Variants in DPYD observed in about 807,000 individuals in gnomAD.
The protein encoded by DPYD is dihydropyrimidine dehydrogenase.
Under a neutral mutation model 116.2 loss-of-function variants are expected in DPYD, and 109 were observed. The observed-to-expected ratio is 0.94, with a 90% confidence interval of 0.80 to 1.10. The LOEUF (loss-of-function observed/expected upper bound fraction) is 1.10. DPYD is among the 50% of genes least tolerant of loss of function. The pLI, the probability that DPYD is intolerant of heterozygous loss-of-function variation, is 0.00. For missense variants in DPYD, 1,302 were observed against 1,254.5 expected (o/e 1.04, Z -0.57); for synonymous variants, 440 against 432.0 (o/e 1.02, Z -0.23).
At chr1:97,913,812 G>C (rs1413971824) in intron 1 of DPYD, among the ~76,000 whole-genome samples, 1 of 152,012 alleles carries the variant, frequency 6.6e-6, no homozygotes, top group Non-Finnish European at 1.5e-5. Flanking sequence ...TGAGGTGGAG[G>C]AGAACCAGCA....
intron 13 of DPYD, among the ~76,000 whole-genome samples, chr1:97,495,713 T>C (rs943046621): frequency 1.3e-5 from 2 of 152,090 alleles, no homozygotes; most frequent in African/African-American, 2.4e-5. Flanking sequence ...CAGATAAACA[T>C]AGCAATACTC....
rs200160985 is a variant in DPYD, at chr1:97,386,283, C to T, written c.1906-3822G>A. Among the ~76,000 whole-genome samples the T allele has an allele frequency of 8.3e-4, 123 of 148,434 alleles. 2 individuals are homozygous for T. In the South Asian group the frequency reaches 0.025, roughly 30 times the overall value. On this transcript the variant is annotated intron_variant, in intron 14 of 22. Coordinates refer to ENST00000370192, the MANE Select transcript of DPYD (RefSeq NM_000110.4). The stretch of plus-strand genomic sequence containing the variant: ...CTCAGTGGAACTGGGAAAGTTAAAA[C>T]TTTTTTTTTTTTCTCCTTGGTCACT...
chr1:97,171,897 T>A (rs961721116), intron 20 of DPYD, among the ~76,000 whole-genome samples: 4 of 152,126 alleles, frequency 2.6e-5, no homozygotes, highest in African/African-American at 9.7e-5. Flanking sequence ...TTTATAGGCA[T>A]CACCTGCAAC....
intron 16 of DPYD, among the ~76,000 whole-genome samples, chr1:97,358,190 T>C (rs994449074): frequency 6.6e-6 from 1 of 152,230 alleles, no homozygotes; most frequent in Non-Finnish European, 1.5e-5. Context: ...CAAGGAGCCT[T>C]GCTTATGGCT....
At chr1:97,453,559 C>A (rs1043032262) in intron 13 of DPYD, among the ~76,000 whole-genome samples, 1 of 152,110 alleles carries the variant, frequency 6.6e-6, no homozygotes, top group African/African-American at 2.4e-5. Context: ...CAGTAACCTA[C>A]TAATAACCAC....
chr1:97,901,532 G>A (rs149123361), intron 1 of DPYD, among the ~76,000 whole-genome samples: 1 of 151,788 alleles, frequency 6.6e-6, no homozygotes, highest in African/African-American at 2.4e-5. Context: ...ATAACAATGA[G>A]TATAGGTTGT....
At chr1:97,473,340 T>G (rs1677765448) in intron 13 of DPYD, among the ~76,000 whole-genome samples, 1 of 152,244 alleles carries the variant, frequency 6.6e-6, no homozygotes, top group African/African-American at 2.4e-5. Flanking sequence ...ATATTCCATG[T>G]GTAGGCATAC....
chr1:97,264,881 C>T (rs185923683), intron 18 of DPYD, among the ~76,000 whole-genome samples: 3 of 152,232 alleles, frequency 2.0e-5, no homozygotes, highest in East Asian at 3.9e-4. Context: ...ACTATGACTT[C>T]GAGACCTGAA....
chr1:97,550,615 G>A (rs755654081), intron 11 of DPYD, among the ~76,000 whole-genome samples: 1 of 152,112 alleles, frequency 6.6e-6, no homozygotes, highest in Non-Finnish European at 1.5e-5. Context: ...AACTGAGTAA[G>A]CCAGTGTTTA....
At chr1:97,836,984 G>A (rs569595216) in intron 2 of DPYD, among the ~76,000 whole-genome samples, 133 of 152,118 alleles carry the variant, frequency 8.7e-4, no homozygotes, top group African/African-American at 2.7e-3. Flanking sequence ...TAATACATGA[G>A]GAAAGATTAA....
intron 14 of DPYD, among the ~76,000 whole-genome samples, chr1:97,407,848 A>G (rs1476941395): frequency 6.6e-6 from 1 of 152,144 alleles, no homozygotes; most frequent in East Asian, 1.9e-4. Context: ...TCCAGAGGAA[A>G]TAATGCTGCA....
intron 14 of DPYD, among the ~76,000 whole-genome samples, chr1:97,418,352 G>A (rs1410721504): frequency 6.6e-6 from 1 of 150,614 alleles, no homozygotes; most frequent in Non-Finnish European, 1.5e-5. Context: ...CCAGGCTGGA[G>A]TGCAATGGTG....
intron 16 of DPYD, among the ~76,000 whole-genome samples, chr1:97,346,177 A>C (rs1002722551): frequency 6.6e-6 from 1 of 151,782 alleles, no homozygotes; most frequent in Non-Finnish European, 1.5e-5. Flanking sequence ...TATATCACAG[A>C]GATTTATTTA....
At chr1:97,915,155 CAGA>C (rs1674153483) in intron 1 of DPYD, among the ~76,000 whole-genome samples, 1 of 152,056 alleles carries the variant, frequency 6.6e-6, no homozygotes, top group African/African-American at 2.4e-5. Context: ...ATTCAATTCA[CAGA>C]AGAAGAAATG....
At chr1:97,327,831 T>G (rs1405205567) in intron 16 of DPYD, among the ~76,000 whole-genome samples, 2 of 152,140 alleles carry the variant, frequency 1.3e-5, no homozygotes, top group Non-Finnish European at 2.9e-5. Flanking sequence ...GCACTAAATC[T>G]CTTCTAATAG....
intron 20 of DPYD, among the ~76,000 whole-genome samples, chr1:97,164,634 C>T (rs1040014821): frequency 6.6e-6 from 1 of 152,158 alleles, no homozygotes; most frequent in Non-Finnish European, 1.5e-5. Context: ...ACACCAACAA[C>T]AGCCAAGCCA....
intron 18 of DPYD, among the ~76,000 whole-genome samples, chr1:97,294,355 G>C (rs1172071517): frequency 6.6e-6 from 1 of 151,720 alleles, no homozygotes; most frequent in East Asian, 1.9e-4. Context: ...AAGAGTGTGA[G>C]CTCCTTTTTC....
At chr1:97,427,103 A>G (rs1271973271) in intron 14 of DPYD, among the ~76,000 whole-genome samples, 1 of 152,114 alleles carries the variant, frequency 6.6e-6, no homozygotes, top group African/African-American at 2.4e-5. Context: ...GTCCTTTAAG[A>G]AAATTCATAT....
intron 19 of DPYD, among the ~76,000 whole-genome samples, chr1:97,222,537 A>T (rs868358649): frequency 2.4e-4 from 37 of 152,138 alleles, no homozygotes; most frequent in African/African-American, 8.0e-4. Context: ...GCTTATAAAC[A>T]ACATTTGTTG....
Sources: gnomAD v4.1 joint callset for allele counts (sites outside exome capture counted in the v4.1 genomes callset) on GRCh38, gnomAD v4.1.1 for gene constraint, MANE v1.5 for transcripts, NCBI Gene and HGNC (gene_info 2026-07-23, HGNC 2026-07-21) for gene names.